ABCC12: variants seen among roughly 807,000 people sequenced by gnomAD.
The protein encoded by ABCC12 is ATP-binding cassette sub-family C member 12.
Under a neutral mutation model 151.1 loss-of-function variants are expected in ABCC12, and 142 were observed. The observed-to-expected ratio is 0.94, with a 90% CI of 0.82 to 1.08. The LOEUF is 1.08. Ranked by LOEUF, ABCC12 falls within the 50% of genes least tolerant of loss-of-function variation. The pLI is 0.00. For synonymous variants in ABCC12, 645 were observed against 646.4 expected (o/e 1.00, Z 0.03); for missense variants, 1,638 against 1,691.1 (o/e 0.97, Z 0.55).
chr16:48,150,565 G>A (rs1417190680), intron 2 of ABCC12, among the ~76,000 whole-genome samples: 1 of 152,064 alleles, frequency 6.6e-6, no homozygotes, highest in African/African-American at 2.4e-5. Context: ...ACAAATTCAT[G>A]TGCTTGCAAT....
chr16:48,081,509 C>A lies in ABCC12; in HGVS notation c.*2206G>T, dbSNP rs115596218. 8.2e-3 allele frequency among the ~76,000 whole-genome samples: 1,248 copies of A among 152,260 alleles called. 18 individuals are homozygous for A. Among genetic ancestry groups the A allele is most frequent in the African/African-American group, 0.029 (1,206 of 41,530 alleles). ...TGGGAGCAGGGCCTGTGGAGCCAGACTGGTTAGGGTTCAAGCCCTATCTCT... is the reference window on the plus strand; with the variant it reads ...TGGGAGCAGGGCCTGTGGAGCCAGAATGGTTAGGGTTCAAGCCCTATCTCT... On this transcript the variant is annotated 3_prime_UTR_variant, in exon 31 of 31. Transcript: ENST00000311303.
chr16:48,106,255 C>T (rs1963488750), intron 20 of ABCC12, among the ~76,000 whole-genome samples: 1 of 152,208 alleles, frequency 6.6e-6, no homozygotes, highest in Admixed American at 6.5e-5. Context: ...GGAGACACTC[C>T]TGTGCCTTTG....
chr16:48,115,717 G>A (rs1963860779), intron 14 of ABCC12, 99 bp from the exon 15 acceptor site: 13 of 1,230,674 alleles, frequency 1.1e-5, no homozygotes, highest in South Asian at 1.5e-5. Context: ...GGGGAAAGAC[G>A]TACACACTGA....
At chr16:48,118,690 G>A (rs1314940820) in intron 13 of ABCC12, among the ~76,000 whole-genome samples, 4 of 152,200 alleles carry the variant, frequency 2.6e-5, no homozygotes, top group African/African-American at 9.6e-5. Flanking sequence ...TGCCCTTCCG[G>A]TTGCACACAG....
chr16:48,141,265 G>A lies in ABCC12; in HGVS notation c.364C>T (p.Arg122Cys), dbSNP rs139573440. The stretch of plus-strand genomic sequence containing the variant: ...TTGGCCACGATGTCCATCAACACGC[G>A]TGTCCTCTGGAATTTCCACACCACG... The part of the protein sequence containing the change: ...SHVVWKFQRT[R>C]VLMDIVANIL... Residue 122 changes from arginine (R) to cysteine (C), a missense_variant, in exon 5 of 31, where the codon CGC becomes TGC. By Grantham distance (180) the Arg-to-Cys change is radical. Transcript: ENST00000311303. 5.8e-5 allele frequency: 93 copies of A among 1,614,058 alleles called. No individual in the cohort carries two copies. Among genetic ancestry groups the A allele is most frequent in the African/African-American group, 3.9e-4 (29 of 74,928 alleles).
rs1344892502 is a variant in ABCC12, at chr16:48,104,322, C to T, written c.2720G>A (p.Arg907Lys). 6.2e-7 allele frequency: 1 copy of T among 1,614,154 alleles called. No homozygotes were observed. Among genetic ancestry groups the T allele is most frequent in the African/African-American group, 1.3e-5 (1 of 74,956 alleles). ...MSFFDTTPTG[R>K]LMNRFSKDMD... Reference sequence around the variant, plus strand: ...ATCCTTGGAAAAACGGTTCATTAGCCTGCCAGTGGGAGTCGTGTCAAAGAA... The same window carrying T: ...ATCCTTGGAAAAACGGTTCATTAGCTTGCCAGTGGGAGTCGTGTCAAAGAA... The change falls in exon 22 of 31, where the codon AGG (arginine) becomes AAG (lysine). Residue 907 changes from arginine (R) to lysine (K), a missense_variant. Arg to Lys is a conservative substitution (Grantham distance 26). Coordinates refer to ENST00000311303, the MANE Select transcript of ABCC12 (RefSeq NM_001393797.1).
intron 15 of ABCC12, among the ~76,000 whole-genome samples, chr16:48,113,308 C>G (rs1179416231): frequency 6.6e-6 from 1 of 152,228 alleles, no homozygotes; most frequent in African/African-American, 2.4e-5. Flanking sequence ...CCTGTCTTAT[C>G]AGCTGATTTT....
chr16:48,088,782 C>T, intron 25 of ABCC12, 48 bp from the exon 26 acceptor site: 1 of 1,499,078 alleles, frequency 6.7e-7, no homozygotes, highest in Non-Finnish European at 9.1e-7. Context: ...TTTGTTTTTT[C>T]ACTTATTTAA....
At chr16:48,146,606 A>G in intron 2 of ABCC12, 132 bp from the exon 3 acceptor site, 1 of 586,340 alleles carries the variant, frequency 1.7e-6, no homozygotes. Context: ...AGCTTTCCAC[A>G]TTTGTAGGGG....
chr16:48,122,080 C>T (rs901332139), intron 12 of ABCC12, among the ~76,000 whole-genome samples: 1 of 152,236 alleles, frequency 6.6e-6, no homozygotes, highest in African/African-American at 2.4e-5. Context: ...GTAAGCTCTG[C>T]TACAAATGGG....
At chr16:48,102,174 AT>A (rs1417641541) in intron 22 of ABCC12, among the ~76,000 whole-genome samples, 1 of 152,090 alleles carries the variant, frequency 6.6e-6, no homozygotes, top group Non-Finnish European at 1.5e-5. Flanking sequence ...CCCACAACCA[AT>A]CAGGCTGGTG....
rs1963451016 is a variant in ABCC12 at position 48,105,247 on chromosome 16, G to A, written c.2565C>T (p.Tyr855=). The A allele has an allele frequency of 3.1e-6, 5 of 1,614,108 alleles. 1 individual carries two copies. Among genetic ancestry groups the A allele is most frequent in the Non-Finnish European group, 4.2e-6 (5 of 1,180,036 alleles). The part of the protein sequence containing the change: ...DIGQHVYQWV[Y]TASMVFMLVF... ...CCAGCATGAACACCATGCTTGCAGT[G>A]TACACCCACTGGTACACATGCTGAC... The change falls in exon 21 of 31, where the codon TAC becomes TAT. Residue 855 remains tyrosine (Y), a synonymous_variant. Transcript: ENST00000311303.
intron 6 of ABCC12, among the ~76,000 whole-genome samples, chr16:48,139,655 A>G (rs1964737857): frequency 6.6e-6 from 1 of 152,178 alleles, no homozygotes; most frequent in Admixed American, 6.5e-5. Context: ...TTGTGAAGAC[A>G]ACTCCGCTTC....
At chr16:48,095,223 T>C (rs1220350585) in intron 24 of ABCC12, among the ~76,000 whole-genome samples, 3 of 152,176 alleles carry the variant, frequency 2.0e-5, no homozygotes, top group East Asian at 3.9e-4. Flanking sequence ...TAAATAAGTC[T>C]CACGAGAGCT....
At chr16:48,132,923 T>C (rs1162689169) in intron 9 of ABCC12, among the ~76,000 whole-genome samples, 2 of 152,200 alleles carry the variant, frequency 1.3e-5, no homozygotes, top group African/African-American at 4.8e-5. Context: ...CTATAAGTCA[T>C]AGCTACTAAG....
chr16:48,124,635 A>T (rs1347655704), intron 11 of ABCC12, among the ~76,000 whole-genome samples: 1 of 152,236 alleles, frequency 6.6e-6, no homozygotes, highest in Non-Finnish European at 1.5e-5. Flanking sequence ...CCAGAAAAGC[A>T]AATCTAATGG....
intron 22 of ABCC12, 59 bp from the exon 23 acceptor site, chr16:48,101,068 C>CCT: frequency 2.5e-6 from 4 of 1,584,750 alleles, no homozygotes; most frequent in Non-Finnish European, 3.4e-6. Flanking sequence ...TCAGGCTTGC[C>CCT]CTCACACATA....
rs1962456626 is a variant in ABCC12 at position 48,083,807 on chromosome 16, A to C, written c.3994-6T>G. The C allele has an allele frequency of 6.2e-7, 1 of 1,614,074 alleles. No individual in the cohort carries two copies. The highest frequency in any genetic ancestry group is 8.5e-7 in the Non-Finnish European group (1 of 1,180,018). ...GGCTTGTCAAACTCAATCACCTGAAAGTCAGAGAAGAAGAACTGAAATCAT... is the reference window on the plus strand; with the variant it reads ...GGCTTGTCAAACTCAATCACCTGAACGTCAGAGAAGAAGAACTGAAATCAT... On this transcript the variant is annotated splice_region_variant and splice_polypyrimidine_tract_variant and intron_variant, in intron 30 of 30. Transcript: ENST00000311303.
At chr16:48,104,772 C>G (rs1397512015) in intron 21 of ABCC12, among the ~76,000 whole-genome samples, 1 of 152,234 alleles carries the variant, frequency 6.6e-6, no homozygotes, top group African/African-American at 2.4e-5. Flanking sequence ...CCCTCCCAGG[C>G]CCTGGCTGCC....
Sources: allele counts gnomAD v4.1 joint callset (sites outside exome capture counted in the v4.1 genomes callset), GRCh38; gene constraint gnomAD v4.1.1; transcripts MANE v1.5; gene names NCBI Gene and HGNC (gene_info 2026-07-23, HGNC 2026-07-21).